The following NRXN1 variants were observed in gnomAD, a reference collection of about 807,000 sequenced individuals.
NRXN1 encodes neurexin 1, also known as neurexin-1.
A neutral mutation model predicts 150.9 loss-of-function variants in NRXN1; 39 were observed. That is an observed-to-expected ratio of 0.26 (90% CI 0.20 to 0.34). NRXN1 has a LOEUF of 0.34. Among genes scored for constraint, NRXN1 ranks in the 10% least tolerant of loss-of-function variants. NRXN1 has a pLI of 1.00. For synonymous variants in NRXN1, 924 were observed against 757.0 expected (o/e 1.22, Z -3.62); for missense variants, 1,815 against 1,949.9 (o/e 0.93, Z 1.30).
chr2:50,821,154 A>G (rs1669663126), intron 5 of NRXN1, among the ~76,000 whole-genome samples: 3 of 152,150 alleles, frequency 2.0e-5, no homozygotes, highest in Admixed American at 2.0e-4. Flanking sequence ...TATGAAGAGT[A>G]TGGATCCAGC....
rs552980793 is a variant in NRXN1 at position 50,434,105 on chromosome 2, G to A, written c.3364+31337C>T. Among the ~76,000 whole-genome samples, 21 of 131,794 alleles carry A rather than the reference G, an allele frequency of 1.6e-4. No individual in the cohort carries two copies. The East Asian group carries it at 4.8e-3, about 30-fold the overall frequency. The allele number at this position is 131,794 out of a possible 152,430, so 86.5% of individuals were successfully genotyped here. ...GGAGTCTTGCTCTGTTGCCCAGGCT[G>A]GAGTGCAATGGCTGGCGCATCTCCG... On this transcript the variant is annotated intron_variant, in intron 17 of 22. Coordinates refer to ENST00000401669, the MANE Select transcript of NRXN1 (RefSeq NM_001330078.2).
At chr2:50,395,617 T>C (rs944672662) in intron 17 of NRXN1, among the ~76,000 whole-genome samples, 7 of 152,116 alleles carry the variant, frequency 4.6e-5, no homozygotes, top group Non-Finnish European at 8.8e-5. Flanking sequence ...TTGTGAAAGA[T>C]AACAAAATGA....
At chr2:50,518,678 T>C (rs1321578597) in intron 12 of NRXN1, among the ~76,000 whole-genome samples, 3 of 151,838 alleles carry the variant, frequency 2.0e-5, no homozygotes, top group Non-Finnish European at 4.4e-5. Context: ...TATCATTCCA[T>C]GTCTAAATAC....
At chr2:50,780,065 T>C (rs1170771876) in intron 5 of NRXN1, among the ~76,000 whole-genome samples, 1 of 152,228 alleles carries the variant, frequency 6.6e-6, no homozygotes, top group Non-Finnish European at 1.5e-5. Flanking sequence ...CCATTCTAAC[T>C]GGCGTGAGAT....
chr2:49,937,322 C>T (rs1671225259), intron 22 of NRXN1, among the ~76,000 whole-genome samples: 1 of 152,060 alleles, frequency 6.6e-6, no homozygotes, highest in Non-Finnish European at 1.5e-5. Flanking sequence ...AGTGAGTTGC[C>T]CTCGGGCTGA....
Position 50,545,931 on chromosome 2 carries a change from T to C in NRXN1, c.1759+6656A>G, listed in dbSNP as rs543055192. 4.1e-4 allele frequency among the ~76,000 whole-genome samples: 62 copies of C among 152,262 alleles called. No individual in the cohort carries two copies. In the South Asian group the frequency reaches 0.012, roughly 30 times the overall value. On this transcript the variant is annotated intron_variant, in intron 9 of 22. Transcript: ENST00000401669. ...TATCTAATACAATGTAAATGCTACA[T>C]AGTTATTATACTGCATTGTTTAAGA...
intron 18 of NRXN1, among the ~76,000 whole-genome samples, chr2:50,234,418 C>T (rs1369846010): frequency 6.6e-6 from 1 of 151,966 alleles, no homozygotes; most frequent in Non-Finnish European, 1.5e-5. Context: ...AGCTTGAACC[C>T]AGGAGGCAAA....
At chr2:50,523,670 CA>C (rs1558878063) in intron 12 of NRXN1, among the ~76,000 whole-genome samples, 2 of 152,106 alleles carry the variant, frequency 1.3e-5, no homozygotes, top group African/African-American at 4.8e-5. Flanking sequence ...AATGGTAATA[CA>C]AAGATCTTAT....
intron 15 of NRXN1, among the ~76,000 whole-genome samples, chr2:50,486,486 C>T (rs147968653): frequency 4.0e-4 from 61 of 152,214 alleles, no homozygotes; most frequent in Admixed American, 1.1e-3. Context: ...CAAAAAATAT[C>T]GGGAACTACA....
chr2:50,290,566 G>A (rs2072786385), intron 17 of NRXN1, among the ~76,000 whole-genome samples: 1 of 152,040 alleles, frequency 6.6e-6, no homozygotes, highest in Non-Finnish European at 1.5e-5. Flanking sequence ...AGAGAAATAA[G>A]ACAGTGCTAG....
intron 21 of NRXN1, 103 bp from the exon 22 acceptor site, chr2:49,943,894 C>A: frequency 1.2e-6 from 1 of 831,962 alleles, no homozygotes. Context: ...ATCAAGAAAC[C>A]AAATTCACTA....
At chr2:50,242,005 A>G (rs935548552) in intron 17 of NRXN1, among the ~76,000 whole-genome samples, 4 of 151,858 alleles carry the variant, frequency 2.6e-5, no homozygotes, top group African/African-American at 2.4e-5. Flanking sequence ...AACTCATAAC[A>G]TAAGTATATG....
chr2:50,174,611 G>C (rs73932970), intron 18 of NRXN1: 1 of 151,940 alleles, frequency 6.6e-6, no homozygotes, highest in African/African-American at 2.4e-5. Flanking sequence ...GGGTCTGTCT[G>C]GTTTTAAACC....
chr2:50,487,695 T>C (rs1480690924), intron 15 of NRXN1, among the ~76,000 whole-genome samples: 2 of 152,218 alleles, frequency 1.3e-5, no homozygotes, highest in Non-Finnish European at 2.9e-5. Flanking sequence ...TGGCGGGGAC[T>C]GTGTTATTAC....
At chr2:50,965,133 A>C (rs1693853351) in intron 2 of NRXN1, among the ~76,000 whole-genome samples, 1 of 151,412 alleles carries the variant, frequency 6.6e-6, no homozygotes, top group South Asian at 2.1e-4. Flanking sequence ...GAAACTTATA[A>C]CATCACAATT....
intron 18 of NRXN1, among the ~76,000 whole-genome samples, chr2:50,155,388 C>A (rs922642703): frequency 6.6e-6 from 1 of 150,676 alleles, no homozygotes; most frequent in Non-Finnish European, 1.5e-5. Context: ...ATACACTTCC[C>A]TATCCCTAAA....
chr2:50,110,491 C>CAAAAA (rs5831088), intron 18 of NRXN1, among the ~76,000 whole-genome samples: 40 of 85,562 alleles, frequency 4.7e-4, no homozygotes, highest in African/African-American at 7.7e-4. Context: ...GACTCTGTCT[C>CAAAAA]AAAAAAAAAA....
chr2:50,687,203 T>C (rs1249865087), intron 5 of NRXN1, among the ~76,000 whole-genome samples: 2 of 152,304 alleles, frequency 1.3e-5, no homozygotes, highest in East Asian at 3.9e-4. Context: ...ATACCTCATT[T>C]ACCTAGGCAT....
At chr2:50,699,570 AG>A (rs1322426297) in intron 5 of NRXN1, among the ~76,000 whole-genome samples, 1 of 152,076 alleles carries the variant, frequency 6.6e-6, no homozygotes, top group Non-Finnish European at 1.5e-5. Context: ...AAATGGAATG[AG>A]GGCAGCCTCC....
Sources: gnomAD v4.1 joint callset for allele counts (sites outside exome capture counted in the v4.1 genomes callset) on GRCh38, gnomAD v4.1.1 for gene constraint, MANE v1.5 for transcripts, NCBI Gene and HGNC (gene_info 2026-07-23, HGNC 2026-07-21) for gene names.